The following IQSEC3 variants were observed in gnomAD, a reference collection of about 807,000 sequenced individuals.
IQSEC3 encodes IQ motif and SEC7 domain-containing protein 3.
Under a neutral mutation model 105.4 loss-of-function variants are expected in IQSEC3, and 50 were observed. The ratio of observed to expected loss-of-function variants is 0.47; its 90% confidence interval spans 0.38 to 0.60. The LOEUF is 0.60. Among genes scored for constraint, IQSEC3 ranks in the 20% least tolerant of loss-of-function variants. The pLI is 0.00. For missense variants in IQSEC3, 1,415 were observed against 1,630.0 expected (o/e 0.87, Z 2.27); for synonymous variants, 708 against 746.0 (o/e 0.95, Z 0.83).
chr12:82,014 G>A (rs1863762196), intron 1 of IQSEC3, among the ~76,000 whole-genome samples: 1 of 152,156 alleles, frequency 6.6e-6, no homozygotes, highest in Non-Finnish European at 1.5e-5. Flanking sequence ...TTGGAGGCTT[G>A]ATTAGTGGGT....
intron 2 of IQSEC3, among the ~76,000 whole-genome samples, chr12:105,095 C>T (rs1864600372): frequency 6.6e-6 from 1 of 152,252 alleles, no homozygotes; most frequent in Non-Finnish European, 1.5e-5. Context: ...GAAAAGCCCT[C>T]GGCTTCCCCC....
intron 12 of IQSEC3, among the ~76,000 whole-genome samples, chr12:169,415 T>C (rs1352090603): frequency 1.3e-5 from 2 of 152,120 alleles, no homozygotes; most frequent in African/African-American, 4.8e-5. Context: ...CAGGGAGGCC[T>C]TCCCTCCTGC....
At chr12:78,051 C>T (rs1555069745) in intron 1 of IQSEC3, among the ~76,000 whole-genome samples, 1 of 151,422 alleles carries the variant, frequency 6.6e-6, no homozygotes, top group African/African-American at 2.4e-5. Context: ...TCCGCGCGCC[C>T]CCGCCGCCCC....
At chr12:159,467 T>C (rs1368706794) in intron 7 of IQSEC3, among the ~76,000 whole-genome samples, 1 of 152,252 alleles carries the variant, frequency 6.6e-6, no homozygotes, top group African/African-American at 2.4e-5. Context: ...CATTTCTGAA[T>C]GTATCTTTTT....
At chr12:163,796 C>G (rs1867039426) in intron 9 of IQSEC3, among the ~76,000 whole-genome samples, 177 bp downstream of exon 9, 1 of 152,212 alleles carries the variant, frequency 6.6e-6, no homozygotes, top group Admixed American at 6.5e-5. Flanking sequence ...CGTGAGGGGG[C>G]TCAGGCAGAC....
chr12:126,572 T>TGTGTGTGTGTGC (rs1260117695), intron 3 of IQSEC3, among the ~76,000 whole-genome samples: 5 of 151,384 alleles, frequency 3.3e-5, no homozygotes, highest in African/African-American at 1.2e-4. Context: ...TGTGTGTGTG[T>TGTGTGTGTGTGC]GCGCTTAGAG....
At chr12:132,311 T>C (rs1484804999) in intron 3 of IQSEC3, among the ~76,000 whole-genome samples, 1 of 152,032 alleles carries the variant, frequency 6.6e-6, no homozygotes, top group Non-Finnish European at 1.5e-5. Context: ...TGCTGAGCAA[T>C]GTGGACTTTG....
At chr12:165,080 G>C (rs1338791382) in intron 9 of IQSEC3, among the ~76,000 whole-genome samples, 1 of 152,248 alleles carries the variant, frequency 6.6e-6, no homozygotes, top group Non-Finnish European at 1.5e-5. Context: ...AGTGGGAACA[G>C]TGTATGCGAG....
intron 1 of IQSEC3, among the ~76,000 whole-genome samples, chr12:69,629 GA>G (rs1555066945): frequency 6.6e-6 from 1 of 152,266 alleles, no homozygotes; most frequent in African/African-American, 2.4e-5. Context: ...GAAACATAGA[GA>G]CCATAGATGT....
intron 2 of IQSEC3, among the ~76,000 whole-genome samples, chr12:102,946 A>G (rs922743748): frequency 6.6e-5 from 10 of 152,032 alleles, no homozygotes; most frequent in Non-Finnish European, 1.3e-4. Context: ...TAGGAAGGCA[A>G]TGTATGTCTG....
At position 137,975 on chromosome 12, in the gene IQSEC3, G is replaced by GT. The variant is rs576312043; in HGVS notation, c.904-291dup. Among the ~76,000 whole-genome samples, 8 of 152,018 alleles carry GT rather than the reference G, an allele frequency of 5.3e-5. No individual in the cohort carries two copies. In the South Asian group the frequency reaches 1.7e-3, roughly 32 times the overall value. On this transcript the variant is annotated intron_variant, in intron 3 of 13. Transcript: ENST00000538872. ...TAATGCGCCCGGCCATGAACATTTT[G>GT]TAATACCCGCCACAGCATCGATATC...
At chr12:165,604 G>A in intron 10 of IQSEC3, 71 bp downstream of exon 10, 1 of 1,568,684 alleles carries the variant, frequency 6.4e-7, no homozygotes, top group Non-Finnish European at 8.8e-7. Flanking sequence ...GCGAGTTGAG[G>A]GAGAAGGGCT....
chr12:105,168 C>T (rs1319830929), intron 2 of IQSEC3, among the ~76,000 whole-genome samples: 2 of 152,376 alleles, frequency 1.3e-5, no homozygotes, highest in East Asian at 1.9e-4. Flanking sequence ...CTCTGCCTCC[C>T]GCCCCAGGAA....
chr12:145,047 G>T (rs1555090580), intron 5 of IQSEC3, among the ~76,000 whole-genome samples: 1 of 152,154 alleles, frequency 6.6e-6, no homozygotes, highest in Non-Finnish European at 1.5e-5. Flanking sequence ...TTGCCCAGCT[G>T]GTCTCAAACT....
At chr12:141,335 T>G in intron 5 of IQSEC3, 50 bp downstream of exon 5, 1 of 1,575,728 alleles carries the variant, frequency 6.3e-7, no homozygotes, top group South Asian at 1.1e-5. Flanking sequence ...ACACCCCACC[T>G]GCCCGGGCTC....
At chr12:70,166 G>A (rs1283741041) in intron 1 of IQSEC3, among the ~76,000 whole-genome samples, 1 of 152,260 alleles carries the variant, frequency 6.6e-6, no homozygotes, top group Non-Finnish European at 1.5e-5. Context: ...GTTTCCAGAG[G>A]CCAGGCACTC....
intron 5 of IQSEC3, among the ~76,000 whole-genome samples, chr12:142,803 C>T (rs182423927): frequency 1.4e-4 from 22 of 152,288 alleles, no homozygotes; most frequent in African/African-American, 4.3e-4. Context: ...CATTTCCTCA[C>T]GCCCTTCCTT....
intron 2 of IQSEC3, among the ~76,000 whole-genome samples, chr12:114,561 GC>G (rs1334025852): frequency 2.0e-5 from 3 of 152,226 alleles, no homozygotes; most frequent in Non-Finnish European, 4.4e-5. Flanking sequence ...GATCAAAGAA[GC>G]TAAAGACCCG....
At chr12:82,400 G>A (rs1565382064) in intron 1 of IQSEC3, among the ~76,000 whole-genome samples, 1 of 152,208 alleles carries the variant, frequency 6.6e-6, no homozygotes, top group Non-Finnish European at 1.5e-5. Flanking sequence ...AGAAAGTTCT[G>A]ATGAGTTTTG....
Sources: gnomAD v4.1 joint callset for allele counts (sites outside exome capture counted in the v4.1 genomes callset) on GRCh38, gnomAD v4.1.1 for gene constraint, MANE v1.5 for transcripts, NCBI Gene and HGNC (gene_info 2026-07-23, HGNC 2026-07-21) for gene names.